The following SCLT1 variants were observed in gnomAD, a reference collection of about 807,000 sequenced individuals.
The protein encoded by SCLT1 is sodium channel-associated protein 1.
Under a neutral mutation model 112.8 loss-of-function variants are expected in SCLT1, and 78 were observed. That is an observed-to-expected ratio of 0.69 (90% CI 0.58 to 0.83). The LOEUF is 0.83. Among genes scored for constraint, SCLT1 ranks in the 40% least tolerant of loss-of-function variants. SCLT1 has a pLI of 0.00. For synonymous variants in SCLT1, 257 were observed against 254.7 expected (o/e 1.01, Z -0.09); for missense variants, 747 against 770.4 (o/e 0.97, Z 0.36).
Position 129,092,296 on chromosome 4 carries a change from T to G in SCLT1, c.34+774A>C, listed in dbSNP as rs183642877. On this transcript the variant is annotated intron_variant, in intron 1 of 20. Coordinates refer to ENST00000281142, the MANE Select transcript of SCLT1 (RefSeq NM_144643.4). ...AATTCAATTTACATCAATATTACAC[T>G]CAAACCAGCCGTATTGCAAGTCTTT... is the stretch of plus-strand genomic sequence containing the variant. Among the ~76,000 whole-genome samples the G allele has an allele frequency of 7.9e-3, 1,206 of 152,226 alleles. 14 individuals carry two copies. The highest frequency in any genetic ancestry group is 0.028 in the African/African-American group (1,156 of 41,534).
intron 18 of SCLT1, among the ~76,000 whole-genome samples, chr4:128,925,341 G>A (rs11735359): frequency 0.18 from 27,677 of 151,660 alleles, 2,801 homozygotes; most frequent in Middle Eastern, 0.29. Flanking sequence ...AAATTTGGCC[G>A]TTAGTTCTTT....
intron 12 of SCLT1, among the ~76,000 whole-genome samples, chr4:128,959,117 C>G (rs997227415): frequency 2.0e-5 from 3 of 152,082 alleles, no homozygotes; most frequent in Admixed American, 2.0e-4. Flanking sequence ...TATTTGACAG[C>G]ACAGGAATCA....
At chr4:129,086,270 T>C (rs911533940) in intron 1 of SCLT1, among the ~76,000 whole-genome samples, 1 of 151,934 alleles carries the variant, frequency 6.6e-6, no homozygotes, top group East Asian at 1.9e-4. Context: ...CTGGCTTGTT[T>C]AATTTGCGTT....
At chr4:129,054,837 T>C (rs1749201951) in intron 2 of SCLT1, among the ~76,000 whole-genome samples, 1 of 152,042 alleles carries the variant, frequency 6.6e-6, no homozygotes, top group South Asian at 2.1e-4. Context: ...GGAATTCTGG[T>C]TTTTGGATTT....
intron 5 of SCLT1, among the ~76,000 whole-genome samples, chr4:129,012,718 T>G (rs1433197971): frequency 6.6e-6 from 1 of 152,144 alleles, no homozygotes; most frequent in African/African-American, 2.4e-5. Flanking sequence ...TGGGTACATA[T>G]ATATTTAGGA....
chr4:128,983,134 C>T (rs553912538), intron 9 of SCLT1, among the ~76,000 whole-genome samples: 2 of 152,258 alleles, frequency 1.3e-5, no homozygotes, highest in African/African-American at 4.8e-5. Context: ...GTGATCCGCC[C>T]GCCTCAGCCT....
At chr4:128,943,765 A>G (rs1560872065) in intron 16 of SCLT1, among the ~76,000 whole-genome samples, 1 of 152,118 alleles carries the variant, frequency 6.6e-6, no homozygotes, top group East Asian at 1.9e-4. Context: ...GACAACCTCT[A>G]TACATTAATG....
intron 7 of SCLT1, among the ~76,000 whole-genome samples, chr4:128,999,319 A>G (rs183564485): frequency 6.6e-6 from 1 of 152,094 alleles, no homozygotes; most frequent in East Asian, 1.9e-4. Flanking sequence ...CTGGCCATAA[A>G]CTAATAAACA....
chr4:129,057,750 TTTTTTTTTTC>T (rs1749564712), intron 2 of SCLT1, among the ~76,000 whole-genome samples: 1 of 146,518 alleles, frequency 6.8e-6, no homozygotes. Context: ...TTTGTATTTC[TTTTTTTTTTC>T]TTTTTTTTTG....
chr4:129,014,770 G>A (rs1744843015), intron 5 of SCLT1, among the ~76,000 whole-genome samples: 1 of 152,208 alleles, frequency 6.6e-6, no homozygotes, highest in Non-Finnish European at 1.5e-5. Flanking sequence ...GTGACAGAGG[G>A]ATCTGTCCTC....
chr4:128,953,683 C>T (rs1738963235), intron 13 of SCLT1, among the ~76,000 whole-genome samples: 1 of 151,258 alleles, frequency 6.6e-6, no homozygotes, highest in Non-Finnish European at 1.5e-5. Context: ...CCTGTAGTCC[C>T]AGCTACTCGG....
intron 4 of SCLT1, among the ~76,000 whole-genome samples, chr4:129,040,986 C>T (rs751833536): frequency 6.6e-6 from 1 of 152,120 alleles, no homozygotes; most frequent in Non-Finnish European, 1.5e-5. Context: ...CAAAGTTAAA[C>T]ATCTTAGTAA....
At position 128,957,098 on chromosome 4, in the gene SCLT1, T is replaced by C; in HGVS notation, c.1074A>G (p.Glu358=). Residue 358 remains glutamate (E), a synonymous_variant, in exon 13 of 21, where the codon GAA becomes GAG. Coordinates refer to ENST00000281142, the MANE Select transcript of SCLT1 (RefSeq NM_144643.4). ...TCTCTTTCATTTTCTCTATGTCTTCTTCTTTTTGCTTCTCCTCAAGTAGAG... is the reference window on the plus strand; with the variant it reads ...TCTCTTTCATTTTCTCTATGTCTTCCTCTTTTTGCTTCTCCTCAAGTAGAG... ...SQALLEEKQK[E]EDIEKMKETV... 1.3e-6 allele frequency: 2 copies of C among 1,597,330 alleles called. No homozygotes were observed. Among genetic ancestry groups the C allele is most frequent in the Non-Finnish European group, 1.7e-6 (2 of 1,168,376 alleles).
At chr4:129,010,899 T>C (rs894339520) in intron 5 of SCLT1, among the ~76,000 whole-genome samples, 5 of 152,144 alleles carry the variant, frequency 3.3e-5, no homozygotes, top group African/African-American at 9.7e-5. Context: ...CTCTTCCTAT[T>C]TGGATTACAT....
At chr4:128,880,621 G>A (rs974707077), downstream of SCLT1, among the ~76,000 whole-genome samples, 2 of 152,104 alleles carry the variant, frequency 1.3e-5, no homozygotes, top group African/African-American at 4.8e-5. Flanking sequence ...TTGATAACAC[G>A]CTCAATATCT....
intron 13 of SCLT1, among the ~76,000 whole-genome samples, chr4:128,956,026 T>C (rs1239254591): frequency 6.6e-6 from 1 of 152,222 alleles, no homozygotes. Context: ...GTTTCAGACA[T>C]GTTGAGTTTC....
intron 16 of SCLT1, among the ~76,000 whole-genome samples, chr4:128,944,336 C>T (rs1737960150): frequency 6.6e-6 from 1 of 152,068 alleles, no homozygotes; most frequent in Non-Finnish European, 1.5e-5. Context: ...TTGTAAGCCT[C>T]CTAATAGACG....
intron 15 of SCLT1, among the ~76,000 whole-genome samples, chr4:128,946,389 C>T (rs1329299853): frequency 9.9e-5 from 15 of 152,150 alleles, no homozygotes; most frequent in Admixed American, 5.2e-4. Context: ...GGCAACATAG[C>T]AAGACCCTGT....
chr4:128,973,138 C>T (rs1221534755), intron 9 of SCLT1, among the ~76,000 whole-genome samples: 1 of 152,000 alleles, frequency 6.6e-6, no homozygotes. Context: ...AAAAATCTCC[C>T]CATCTTCAAG....
Sources: gnomAD v4.1 joint callset for allele counts (sites outside exome capture counted in the v4.1 genomes callset) on GRCh38, gnomAD v4.1.1 for gene constraint, MANE v1.5 for transcripts, NCBI Gene and HGNC (gene_info 2026-07-23, HGNC 2026-07-21) for gene names.